The following DACH2 variants were observed in gnomAD, a reference collection of about 807,000 sequenced individuals.
DACH2 encodes dachshund family transcription factor 2.
DACH2 carries 17 observed loss-of-function variants against 35.8 expected under a neutral mutation model. The observed-to-expected ratio is 0.48, with a 90% CI of 0.33 to 0.71. The LOEUF is 0.71. Among genes scored for constraint, DACH2 ranks in the 30% least tolerant of loss-of-function variants. DACH2 has a pLI of 0.02. For synonymous variants in DACH2, 195 were observed against 177.3 expected (o/e 1.10, Z -0.79); for missense variants, 469 against 472.7 (o/e 0.99, Z 0.07).
At position 86,813,404 on chromosome X, in the gene DACH2, C is replaced by T. The variant is rs1256985204; in HGVS notation, c.1537+127C>T. On this transcript the variant is annotated intron_variant, in intron 9 of 11. Coordinates refer to ENST00000373125, the MANE Select transcript of DACH2 (RefSeq NM_053281.3). ...GATCACGAGGTCAGGAGATTGAGAC[C>T]ATCCTGGCTAACACGGAGAAACCCC... 6.6e-5 allele frequency: 32 copies of T among 486,949 alleles called. No individual in the cohort carries two copies. In the East Asian group the frequency reaches 1.1e-3, roughly 17 times the overall value. 40.1% of individuals were successfully genotyped at this position (486,949 alleles called of 1,213,427 possible). A position where few individuals can be genotyped will look rare whatever the true frequency, so the allele number is the denominator to read the frequency against.
At chrX:86,238,092 T>G (rs955860909) in intron 1 of DACH2, among the ~76,000 whole-genome samples, 2 of 112,374 alleles carry the variant, frequency 1.8e-5, no homozygotes, top group Non-Finnish European at 3.8e-5. Flanking sequence ...TATATTTTAT[T>G]TGACAGATTT....
At chrX:86,627,642 A>G (rs1247202286) in intron 3 of DACH2, among the ~76,000 whole-genome samples, 2 of 111,818 alleles carry the variant, frequency 1.8e-5, no homozygotes, top group African/African-American at 6.5e-5. Context: ...ATATTATTCA[A>G]ATGCAAACCT....
intron 3 of DACH2, among the ~76,000 whole-genome samples, chrX:86,526,485 T>C (rs1180718949): frequency 1.8e-5 from 2 of 111,762 alleles, no homozygotes; most frequent in Non-Finnish European, 1.9e-5. Context: ...TCTGGCAATG[T>C]CTAAAATCTA....
chrX:86,520,190 T>A (rs1340273160), intron 3 of DACH2, among the ~76,000 whole-genome samples: 1 of 111,929 alleles, frequency 8.9e-6, no homozygotes, highest in Non-Finnish European at 1.9e-5. Context: ...GCATGTTGCT[T>A]AATTCCCATG....
intron 1 of DACH2, among the ~76,000 whole-genome samples, chrX:86,198,149 T>C (rs1331812358): frequency 8.9e-6 from 1 of 112,094 alleles, no homozygotes; most frequent in Non-Finnish European, 1.9e-5. Flanking sequence ...TTGAATAACC[T>C]GCTCCTGAGT....
At chrX:86,631,460 T>C (rs1435541031) in intron 3 of DACH2, among the ~76,000 whole-genome samples, 2 of 112,207 alleles carry the variant, frequency 1.8e-5, no homozygotes, top group Non-Finnish European at 3.8e-5. Flanking sequence ...CAAAGCAGCT[T>C]TGATTGCAAT....
intron 1 of DACH2, among the ~76,000 whole-genome samples, chrX:86,200,145 C>T (rs2032110593): frequency 9.1e-6 from 1 of 110,404 alleles, no homozygotes; most frequent in African/African-American, 3.3e-5. Flanking sequence ...TGGCTGCACA[C>T]CTACAATGAT....
intron 3 of DACH2, among the ~76,000 whole-genome samples, chrX:86,637,165 A>C (rs991834012): frequency 1.8e-4 from 17 of 94,759 alleles, no homozygotes; most frequent in Non-Finnish European, 3.1e-4. Context: ...CCACAATGAC[A>C]TACCACGTAG....
chrX:86,506,604 A>G (rs1486990144), intron 2 of DACH2, among the ~76,000 whole-genome samples: 1 of 110,613 alleles, frequency 9.0e-6, no homozygotes, highest in Non-Finnish European at 1.9e-5. Context: ...TATGTTGCGC[A>G]GGCTCGTCTC....
chrX:86,672,752 G>A (rs2040778990), intron 4 of DACH2, among the ~76,000 whole-genome samples: 1 of 111,584 alleles, frequency 9.0e-6, no homozygotes, highest in African/African-American at 3.3e-5. Flanking sequence ...ACCTCTACTG[G>A]GGCAGTGTGA....
chrX:86,386,608 C>T (rs1158598666), intron 2 of DACH2, among the ~76,000 whole-genome samples: 1 of 111,275 alleles, frequency 9.0e-6, no homozygotes, highest in Non-Finnish European at 1.9e-5. Context: ...TTATTTTATA[C>T]TTTGGGTTAT....
intron 1 of DACH2, among the ~76,000 whole-genome samples, chrX:86,318,967 A>G (rs1416633653): frequency 1.8e-5 from 2 of 112,423 alleles, no homozygotes; most frequent in Non-Finnish European, 3.8e-5. Context: ...AGAGGAAGTT[A>G]GATTTTACCC....
chrX:86,194,051 T>A (rs2031908742), intron 1 of DACH2, among the ~76,000 whole-genome samples: 1 of 110,625 alleles, frequency 9.0e-6, no homozygotes, highest in Non-Finnish European at 1.9e-5. Context: ...TCTATATATA[T>A]CACTCAAAAC....
At chrX:86,203,449 T>A (rs914777867) in intron 1 of DACH2, among the ~76,000 whole-genome samples, 6 of 111,525 alleles carry the variant, frequency 5.4e-5, no homozygotes, top group African/African-American at 1.9e-4. Flanking sequence ...ATTGCCTTCA[T>A]CTTTTTTTTC....
At chrX:86,827,990 T>C (rs1161972166) in intron 11 of DACH2, 2 of 393,895 alleles carry the variant, frequency 5.1e-6, no homozygotes, top group Admixed American at 8.8e-5. Context: ...ATAGTCATAA[T>C]AATGACTGAA....
chrX:86,610,363 C>CTCCT (rs2039916875), intron 3 of DACH2, among the ~76,000 whole-genome samples: 4 of 70,082 alleles, frequency 5.7e-5, no homozygotes, highest in African/African-American at 2.2e-4. Context: ...TCCTTCCTTC[C>CTCCT]TCTTTCTTTC....
intron 5 of DACH2, among the ~76,000 whole-genome samples, chrX:86,709,809 A>G (rs759159716): frequency 1.2e-4 from 13 of 112,448 alleles, no homozygotes; most frequent in Non-Finnish European, 2.3e-4. Flanking sequence ...ATAATATGTC[A>G]CTAGGGAATT....
At chrX:86,150,510 CCTT>C (rs778531850) in intron 1 of DACH2, among the ~76,000 whole-genome samples, 22 of 111,712 alleles carry the variant, frequency 2.0e-4, no homozygotes, top group East Asian at 5.7e-4. Flanking sequence ...GAAGCTTTTT[CCTT>C]CTTCTTTTTT....
intron 3 of DACH2, among the ~76,000 whole-genome samples, chrX:86,600,908 C>CA (rs1405329883): frequency 9.0e-6 from 1 of 111,240 alleles, no homozygotes; most frequent in Non-Finnish European, 1.9e-5. Context: ...CAAAACAAAA[C>CA]AAAAAATCAA....
Sources: gnomAD v4.1 joint callset for allele counts (sites outside exome capture counted in the v4.1 genomes callset) on GRCh38, gnomAD v4.1.1 for gene constraint, MANE v1.5 for transcripts, NCBI Gene and HGNC (gene_info 2026-07-23, HGNC 2026-07-21) for gene names.